The following KIF26B variants were observed in gnomAD, a reference collection of about 807,000 sequenced individuals.
KIF26B encodes the protein kinesin family member 26B.
Under a neutral mutation model 151.2 loss-of-function variants are expected in KIF26B, and 63 were observed. The observed-to-expected ratio is 0.42, with a 90% CI of 0.34 to 0.51. The LOEUF (loss-of-function observed/expected upper bound fraction) is 0.51, where lower values mean the gene tolerates loss of function less well. Ranked by LOEUF, KIF26B falls within the 20% of genes least tolerant of loss-of-function variation. KIF26B has a pLI of 0.07. For synonymous variants in KIF26B, 1,357 were observed against 1,262.1 expected (o/e 1.08, Z -1.59); for missense variants, 2,813 against 2,913.6 (o/e 0.97, Z 0.79).
rs201987019 is a variant in KIF26B at position 245,686,864 on chromosome 1, C to T, written c.3881C>T (p.Ser1294Leu). Residue 1294 changes from serine to leucine, a missense_variant, in exon 12 of 15, where the codon TCG becomes TTG. Physicochemically the swap from Ser to Leu is moderately radical, Grantham distance 145. This residue lies in a region of KIF26B where 2,060 missense variants were observed against 2,088.6 expected (regional missense o/e 0.99). Transcript: ENST00000407071. The surrounding 1 kb of genome is among the most constrained non-coding windows in gnomAD (Gnocchi z 5.6). Reference protein sequence around the residue: ...EMSAGSEGEQSCHSFIAQTCF... With the variant: ...EMSAGSEGEQLCHSFIAQTCF... Reference sequence around the variant, plus strand: ...AGCGCGGGCAGTGAGGGTGAGCAGTCGTGCCACAGTTTCATAGCCCAGACG... The same window carrying T: ...AGCGCGGGCAGTGAGGGTGAGCAGTTGTGCCACAGTTTCATAGCCCAGACG... The T allele has an allele frequency of 1.8e-3, 2,849 of 1,613,550 alleles. 5 individuals are homozygous for T. The highest frequency in any genetic ancestry group is 2.6e-3 in the Middle Eastern group (16 of 6,060).
intron 2 of KIF26B, among the ~76,000 whole-genome samples, chr1:245,265,552 T>TA (rs1670729777): frequency 6.6e-6 from 1 of 151,352 alleles, no homozygotes; most frequent in African/African-American, 2.4e-5. Context: ...GGGAAGAATA[T>TA]AGGAAGATAT....
rs750323921 is a variant in KIF26B, at chr1:245,686,730, C to T, written c.3747C>T (p.Ser1249=). The T allele has an allele frequency of 2.4e-5, 38 of 1,613,486 alleles. No homozygotes were observed. Among genetic ancestry groups the T allele is most frequent in the Admixed American group, 1.5e-4 (9 of 59,982 alleles). The part of the protein sequence containing the change: ...LECYSSTAPV[S]EVSITQFLPL... ...GCTACTCCAGCACGGCCCCCGTCTC[C>T]GAGGTCAGCATCACACAGTTCTTGC... The change falls in exon 12 of 15, where the codon TCC becomes TCT. Residue 1249 remains serine, a synonymous_variant. Transcript: ENST00000407071. The surrounding 1 kb of genome is among the most constrained non-coding windows in gnomAD (Gnocchi z 5.6).
At chr1:245,339,840 G>A (rs1180837452) in intron 2 of KIF26B, among the ~76,000 whole-genome samples, 1 of 152,212 alleles carries the variant, frequency 6.6e-6, no homozygotes, top group African/African-American at 2.4e-5. Context: ...TTTACTGAGT[G>A]TGGATTATGA....
At chr1:245,383,651 A>C (rs998638873) in intron 3 of KIF26B, among the ~76,000 whole-genome samples, 4 of 152,212 alleles carry the variant, frequency 2.6e-5, no homozygotes, top group Non-Finnish European at 5.9e-5. Flanking sequence ...TGTAACTGGC[A>C]ACTTAGAAGC....
At chr1:245,464,820 T>G (rs1430235307) in intron 4 of KIF26B, among the ~76,000 whole-genome samples, 2 of 151,748 alleles carry the variant, frequency 1.3e-5, no homozygotes, top group African/African-American at 4.8e-5. Flanking sequence ...GCAAGTCATG[T>G]CCAAACCAGG....
chr1:245,515,496 T>C (rs1227827533), intron 4 of KIF26B, among the ~76,000 whole-genome samples: 1 of 152,172 alleles, frequency 6.6e-6, no homozygotes, highest in East Asian at 1.9e-4. Context: ...CCTCAGGTCT[T>C]GAGTGAAGAT....
At chr1:245,234,806 A>C (rs1670073545) in intron 2 of KIF26B, among the ~76,000 whole-genome samples, 1 of 152,160 alleles carries the variant, frequency 6.6e-6, no homozygotes, top group Admixed American at 6.5e-5. Flanking sequence ...GCCTCGCAAC[A>C]CCGGCCTGCT....
In KIF26B at chr1:245,584,113, C is replaced by T. The variant is rs149966525; in HGVS notation, c.1351-18464C>T. 4.4e-3 allele frequency among the ~76,000 whole-genome samples: 672 copies of T among 152,270 alleles called. 1 individual carries two copies. The highest frequency in any genetic ancestry group is 0.014 in the African/African-American group (594 of 41,542). Reference sequence around the variant, plus strand: ...ACTGCATCATGGATCCCTCGTGACTCGGTGCCATCCTCATGATAGTGAGTT... The same window carrying T: ...ACTGCATCATGGATCCCTCGTGACTTGGTGCCATCCTCATGATAGTGAGTT... On this transcript the variant is annotated intron_variant, in intron 5 of 14. Transcript: ENST00000407071.
intron 9 of KIF26B, among the ~76,000 whole-genome samples, chr1:245,620,984 G>T: frequency 6.6e-6 from 1 of 152,192 alleles, no homozygotes; most frequent in South Asian, 2.1e-4. Context: ...TCTTATGCAG[G>T]TGACCCAGAG....
At chr1:245,694,072 G>A (rs193100610) in intron 12 of KIF26B, among the ~76,000 whole-genome samples, 92 of 152,334 alleles carry the variant, frequency 6.0e-4, no homozygotes, top group African/African-American at 2.0e-3. Context: ...TCCTAGGTGC[G>A]GGGTTCGGAA....
chr1:245,575,273 G>A (rs372674190), intron 5 of KIF26B, among the ~76,000 whole-genome samples: 5 of 151,760 alleles, frequency 3.3e-5, no homozygotes, highest in South Asian at 4.2e-4. Context: ...TCAGGAGTTC[G>A]AGACCAGCCT....
chr1:245,258,200 G>A (rs1428394523), intron 2 of KIF26B, among the ~76,000 whole-genome samples: 3 of 152,178 alleles, frequency 2.0e-5, no homozygotes, highest in Non-Finnish European at 4.4e-5. Flanking sequence ...CACCTACGGT[G>A]TTTATGGAGT....
chr1:245,502,700 TATA>T (rs1660647851), intron 4 of KIF26B, among the ~76,000 whole-genome samples: 1 of 152,056 alleles, frequency 6.6e-6, no homozygotes, highest in Non-Finnish European at 1.5e-5. Flanking sequence ...TAGTTATGAT[TATA>T]ATATTATCTA....
In KIF26B at chr1:245,704,269, C is replaced by CCAA. The variant is rs1205022719; in HGVS notation, c.*1668_*1670dup. Reference sequence around the variant, plus strand: ...TTCCAAGCTAGGCTGTCTTTATTAACCAACAACTCAGCCCCAGCCACTCCC... The same window carrying CCAA: ...TTCCAAGCTAGGCTGTCTTTATTAACCAACAACAACTCAGCCCCAGCCACTCCC... On this transcript the variant is annotated 3_prime_UTR_variant, in exon 15 of 15. Coordinates refer to ENST00000407071, the MANE Select transcript of KIF26B (RefSeq NM_018012.4). 6.6e-6 allele frequency: 1 copy of CCAA among 152,302 alleles called. No homozygotes were observed. Among genetic ancestry groups the CCAA allele is most frequent in the African/African-American group, 2.4e-5 (1 of 41,452 alleles). 9.4% of individuals were successfully genotyped at this position (152,302 alleles called of 1,614,324 possible).
At chr1:245,413,879 G>A (rs564241694) in intron 3 of KIF26B, among the ~76,000 whole-genome samples, 71 of 152,322 alleles carry the variant, frequency 4.7e-4, no homozygotes, top group South Asian at 1.4e-3. Context: ...GAATGGATCA[G>A]CATCCCAACC....
intron 4 of KIF26B, among the ~76,000 whole-genome samples, chr1:245,492,115 G>C (rs1182383105): frequency 6.6e-6 from 1 of 152,172 alleles, no homozygotes; most frequent in Non-Finnish European, 1.5e-5. Flanking sequence ...CCTTCCTGAT[G>C]TCTGCTTTTA....
In KIF26B at chr1:245,667,039, G is replaced by T. The variant is rs1447968281; in HGVS notation, c.2259-17194G>T. ...CTGCTGTGATCCACCCTTGAAGACT[G>T]TGAGCTGTGCAGAACGAAGCAGGTC... On this transcript the variant is annotated intron_variant, in intron 10 of 14. Transcript: ENST00000407071. This position sits in a 1 kb window ranked among gnomAD's most constrained non-coding sequence, Gnocchi z 4.3. Among the ~76,000 whole-genome samples, 1 of 152,128 alleles carries T rather than the reference G, an allele frequency of 6.6e-6. No homozygotes were observed. The highest frequency in any genetic ancestry group is 2.4e-5 in the African/African-American group (1 of 41,426).
At chr1:245,496,687 C>T (rs146186238) in intron 4 of KIF26B, among the ~76,000 whole-genome samples, 1 of 152,046 alleles carries the variant, frequency 6.6e-6, no homozygotes, top group African/African-American at 2.4e-5. Flanking sequence ...GCTATAAACT[C>T]AAGTATATCC....
At chr1:245,679,432 G>T (rs1489076947) in intron 10 of KIF26B, among the ~76,000 whole-genome samples, 15 of 141,514 alleles carry the variant, frequency 1.1e-4, no homozygotes, top group Non-Finnish European at 2.0e-4. Flanking sequence ...AAAATCTGGG[G>T]GTTTTTTGTG....
Sources: allele counts gnomAD v4.1 joint callset (sites outside exome capture counted in the v4.1 genomes callset), GRCh38; gene constraint gnomAD v4.1.1; regional missense constraint gnomAD v4.1.1; non-coding constraint Gnocchi (gnomAD v3.1); transcripts MANE v1.5; gene names NCBI Gene and HGNC (gene_info 2026-07-23, HGNC 2026-07-21).